DHX36: variants seen among roughly 807,000 people sequenced by gnomAD.
The protein encoded by DHX36 is DEAH-box helicase 36.
Under a neutral mutation model 139.0 loss-of-function variants are expected in DHX36, and 50 were observed. That is an observed-to-expected ratio of 0.36 (90% CI 0.29 to 0.46). The LOEUF (loss-of-function observed/expected upper bound fraction) is 0.46. Ranked by LOEUF, DHX36 falls within the 20% of genes least tolerant of loss-of-function variation. The pLI is 1.00. For missense variants in DHX36, 1,024 were observed against 1,211.3 expected (o/e 0.85, Z 2.29); for synonymous variants, 425 against 401.9 (o/e 1.06, Z -0.69).
chr3:154,293,380 A>T (rs1033560139), intron 14 of DHX36, among the ~76,000 whole-genome samples: 1 of 152,154 alleles, frequency 6.6e-6, no homozygotes, highest in Non-Finnish European at 1.5e-5. Flanking sequence ...CAGGAGTTAG[A>T]GATCAGCCTG....
chr3:154,306,708 G>GT (rs1712514725), intron 5 of DHX36, among the ~76,000 whole-genome samples: 1 of 152,038 alleles, frequency 6.6e-6, no homozygotes, highest in South Asian at 2.1e-4. Context: ...CTAGTTCTTG[G>GT]TCATGTTTTG....
rs374481403 is a variant in DHX36 at position 154,315,261 on chromosome 3, T to C, written c.388A>G (p.Thr130Ala). The change falls in exon 3 of 25, where the codon ACT (threonine) becomes GCT (alanine). Residue 130 changes from threonine to alanine, a missense_variant. Physicochemically the swap from Thr to Ala is moderately conservative, Grantham distance 58. This residue lies in a region of DHX36 where 293 missense variants were observed against 274.4 expected (regional missense o/e 1.07). Transcript: ENST00000496811. ...EDHGYGTEVS[T>A]KNTPCSENKL... ...TTCTCTGAGCATGGTGTGTTCTTAG[T>C]AGAAACTTCAGTACCGTATCTGTTT... 5.0e-6 allele frequency: 8 copies of C among 1,612,322 alleles called. No homozygotes were observed. Among genetic ancestry groups the C allele is most frequent in the South Asian group, 3.3e-5 (3 of 90,712 alleles).
intron 12 of DHX36, chr3:154,299,622 T>C: frequency 2.0e-6 from 1 of 504,534 alleles, no homozygotes; most frequent in Non-Finnish European, 3.6e-6. Context: ...AGTGAAAAAA[T>C]GAAAAACCTC....
chr3:154,307,791 A>C (rs1041939745), intron 5 of DHX36, among the ~76,000 whole-genome samples: 1 of 143,742 alleles, frequency 7.0e-6, no homozygotes, highest in African/African-American at 2.8e-5. Flanking sequence ...AAAGAAATCA[A>C]TGTGTCAAAA....
Position 154,292,557 on chromosome 3 carries a change from G to C in DHX36, c.1808C>G (p.Ala603Gly). 1 of 1,613,950 alleles carries C rather than the reference G, an allele frequency of 6.2e-7. No individual in the cohort carries two copies. The highest frequency in any genetic ancestry group is 8.5e-7 in the Non-Finnish European group (1 of 1,179,970). ...GACAGAGTTCCCACCTTACCTTCCA[G>C]CTCGACCTTTTCTCTGTTTGGCATT... is the stretch of plus-strand genomic sequence containing the variant. ...KANAKQRKGR[A>G]GRVQPGHCYH... The change falls in exon 15 of 25, where the codon GCT (alanine) becomes GGT (glycine). Residue 603 changes from alanine to glycine, a missense_variant. Ala to Gly is a moderately conservative substitution (Grantham distance 60, BLOSUM62 0). This residue lies in a region of DHX36 where 470 missense variants were observed against 616.2 expected (regional missense o/e 0.76). Coordinates refer to ENST00000496811, the MANE Select transcript of DHX36 (RefSeq NM_020865.3).
intron 15 of DHX36, among the ~76,000 whole-genome samples, chr3:154,292,301 ATAAG>A (rs993114788): frequency 1.3e-5 from 2 of 152,348 alleles, no homozygotes; most frequent in African/African-American, 4.8e-5. Flanking sequence ...ACCAACTATT[ATAAG>A]TAACATAACT....
At chr3:154,307,521 A>G (rs1292095271) in intron 5 of DHX36, among the ~76,000 whole-genome samples, 1 of 152,160 alleles carries the variant, frequency 6.6e-6, no homozygotes, top group African/African-American at 2.4e-5. Context: ...AAAATGCACA[A>G]CATCACTAAT....
At chr3:154,300,454 A>G in intron 11 of DHX36, 140 bp downstream of exon 11, 1 of 666,676 alleles carries the variant, frequency 1.5e-6, no homozygotes, top group East Asian at 2.7e-5. Flanking sequence ...ATCTTTTGCT[A>G]CTATGAGATG....
chr3:154,298,464 T>C (rs1712130441), intron 12 of DHX36, among the ~76,000 whole-genome samples: 1 of 152,204 alleles, frequency 6.6e-6, no homozygotes, highest in Non-Finnish European at 1.5e-5. Flanking sequence ...TATTTCTTTA[T>C]AGAGAAGTCA....
intron 22 of DHX36, chr3:154,278,570 G>C (rs963478694): frequency 1.3e-5 from 2 of 149,180 alleles, no homozygotes; most frequent in African/African-American, 4.9e-5. Flanking sequence ...TCCGCCTCCC[G>C]GGTTCCGGCG....
At chr3:154,314,142 A>G (rs1254399846) in intron 3 of DHX36, among the ~76,000 whole-genome samples, 1 of 152,232 alleles carries the variant, frequency 6.6e-6, no homozygotes, top group Non-Finnish European at 1.5e-5. Flanking sequence ...CTTCTCAACC[A>G]GAAGATTCTC....
chr3:154,308,289 A>G (rs1178576016), intron 5 of DHX36, among the ~76,000 whole-genome samples: 1 of 152,184 alleles, frequency 6.6e-6, no homozygotes, highest in Non-Finnish European at 1.5e-5. Flanking sequence ...AAAGCTTAAA[A>G]CATATACTGT....
chr3:154,301,430 A>G (rs187263281), intron 9 of DHX36, among the ~76,000 whole-genome samples: 19 of 152,304 alleles, frequency 1.2e-4, no homozygotes, highest in African/African-American at 3.8e-4. Context: ...CTTTAGAACA[A>G]AAGTTAATAT....
At chr3:154,306,371 G>A in intron 5 of DHX36, 76 bp from the exon 6 acceptor site, 1 of 1,278,214 alleles carries the variant, frequency 7.8e-7, no homozygotes, top group Non-Finnish European at 1.1e-6. Flanking sequence ...GAAAATCTAG[G>A]ACTGTTGAAA....
chr3:154,293,291 C>A (rs554481283), intron 14 of DHX36, among the ~76,000 whole-genome samples: 1 of 152,140 alleles, frequency 6.6e-6, no homozygotes, highest in Non-Finnish European at 1.5e-5. Context: ...AAAACCCCCA[C>A]AAAACTGGCC....
chr3:154,322,287 G>C (rs1713220941), intron 1 of DHX36, among the ~76,000 whole-genome samples: 1 of 152,226 alleles, frequency 6.6e-6, no homozygotes, highest in Admixed American at 6.5e-5. Flanking sequence ...ATATCAGACT[G>C]AGACAGAAGT....
Position 154,276,324 on chromosome 3 carries a change from T to C in DHX36, c.2874A>G (p.Gln958=), listed in dbSNP as rs1576852187. Residue 958 remains glutamine (Q), a synonymous_variant, in exon 25 of 25, where the codon CAA becomes CAG. Coordinates refer to ENST00000496811, the MANE Select transcript of DHX36 (RefSeq NM_020865.3). The part of the protein sequence containing the change: ...ELRKELDILL[Q]EKIESPHPVD... ...CAGGATGAGGACTTTCAATCTTCTC[T>C]TGCAGAAGAATATCTAGTTCCTTTC... is the stretch of plus-strand genomic sequence containing the variant. The C allele has an allele frequency of 6.2e-7, 1 of 1,613,288 alleles. No individual in the cohort carries two copies. The highest frequency in any genetic ancestry group is 8.5e-7 in the Non-Finnish European group (1 of 1,179,836).
At chr3:154,292,750 C>T in intron 14 of DHX36, 56 bp from the exon 15 acceptor site, 1 of 1,584,436 alleles carries the variant, frequency 6.3e-7, no homozygotes, top group South Asian at 1.1e-5. Flanking sequence ...CACACACACA[C>T]ACACACACAC....
intron 12 of DHX36, among the ~76,000 whole-genome samples, chr3:154,296,031 G>C (rs1332191927): frequency 1.3e-5 from 2 of 152,138 alleles, no homozygotes; most frequent in African/African-American, 4.8e-5. Context: ...GCCTTCCGAA[G>C]TACTGGGATT....
Sources: gnomAD v4.1 joint callset for allele counts (sites outside exome capture counted in the v4.1 genomes callset) on GRCh38, gnomAD v4.1.1 for gene constraint, gnomAD v4.1.1 regional missense constraint, MANE v1.5 for transcripts, NCBI Gene and HGNC (gene_info 2026-07-23, HGNC 2026-07-21) for gene names.